Variants in SLC34A3 observed in about 807,000 individuals in gnomAD.
SLC34A3 encodes the protein sodium-dependent phosphate transport protein 2C.
SLC34A3 carries 60 observed loss-of-function variants against 43.9 expected under a neutral mutation model. That is an observed-to-expected ratio of 1.37 (90% CI 1.11 to 1.70). SLC34A3 has a LOEUF of 1.70. Among genes scored for constraint, SLC34A3 ranks in the 40% most tolerant of loss-of-function variants. The pLI is 0.00. For synonymous variants in SLC34A3, 451 were observed against 386.2 expected (o/e 1.17, Z -1.97); for missense variants, 969 against 823.8 (o/e 1.18, Z -2.16).
chr9:137,233,492 C>T (rs947655181), intron 7 of SLC34A3, 88 bp downstream of exon 7: 55 of 1,579,100 alleles, frequency 3.5e-5, no homozygotes, highest in African/African-American at 1.6e-4. Context: ...GGAGGGTCAG[C>T]GGAGGGTCTG....
chr9:137,234,684 C>T lies in SLC34A3; in HGVS notation c.1288C>T (p.Leu430=), dbSNP rs768557398. 3.7e-6 allele frequency: 6 copies of T among 1,612,100 alleles called. No individual in the cohort carries two copies. The highest frequency in any genetic ancestry group is 5.1e-6 in the Non-Finnish European group (6 of 1,179,858). Residue 430 remains leucine, a synonymous_variant, in exon 12 of 13, where the codon CTG becomes TTG. Transcript: ENST00000673835. This position sits in a 1 kb window ranked among gnomAD's most constrained non-coding sequence, Gnocchi z 6.9. ...SNIGTTTTAL[L]AALASPADRM... Reference sequence around the variant, plus strand: ...CATCGGCACCACTACCACAGCCCTGCTGGCTGCCCTGGCCAGCCCCGCAGA... The same window carrying T: ...CATCGGCACCACTACCACAGCCCTGTTGGCTGCCCTGGCCAGCCCCGCAGA...
At chr9:137,233,779 T>TTGGGGGCCCCCCCCCCCCCCCCCC in intron 8 of SLC34A3, 57 bp downstream of exon 8, 1 of 1,445,778 alleles carries the variant, frequency 6.9e-7, no homozygotes, top group Non-Finnish European at 9.6e-7. Flanking sequence ...TGCTGAGTCA[T>TTGGGGGCCCCCCCCCCCCCCCCCC]CCCGCCCCAC....
intron 4 of SLC34A3, 34 bp from the exon 5 acceptor site, chr9:137,232,750 C>T (rs2131406175): frequency 6.2e-7 from 1 of 1,612,950 alleles, no homozygotes; most frequent in East Asian, 2.2e-5. Flanking sequence ...AACCAGCCCT[C>T]CGCAGCTTCA....
In SLC34A3 at chr9:137,232,879, A is replaced by C. The variant is rs767972125; in HGVS notation, c.400A>C (p.Ser134Arg). 56 of 1,608,014 alleles carry C rather than the reference A, an allele frequency of 3.5e-5. No individual in the cohort carries two copies. Among genetic ancestry groups the C allele is most frequent in the Middle Eastern group, 1.7e-4 (1 of 6,050 alleles). Residue 134 changes from serine to arginine, a missense_variant, in exon 5 of 13, where the codon AGT (serine) becomes CGT (arginine). Transcript: ENST00000673835. ...CGTGCTGGTCACAGCCCTGGTGCAG[A>C]GTTCCAGCACGTCCTCCTCCATCGT... ...IGVLVTALVQ[S>R]SSTSSSIVVS... is the part of the protein sequence containing the mutation.
At chr9:137,235,388 C>A (rs1330471129) in intron 12 of SLC34A3, among the ~76,000 whole-genome samples, 1 of 152,168 alleles carries the variant, frequency 6.6e-6, no homozygotes, top group African/African-American at 2.4e-5. Context: ...AAGTGCGGCA[C>A]CCCCTGGAAC....
Position 137,233,690 on chromosome 9 carries a change from A to T in SLC34A3, c.814A>T (p.Ile272Phe). ...ATGNATNSSL[I>F]KHWCGTTGQP... ...AGGCAACGCCACTAACAGCAGTCTC[A>T]TTAAGCACTGGTGCGGCACCACGGG... The change falls in exon 8 of 13, where the codon ATT becomes TTT. Residue 272 changes from isoleucine (I) to phenylalanine (F), a missense_variant. Physicochemically the swap from Ile to Phe is conservative, Grantham distance 21. Coordinates refer to ENST00000673835, the MANE Select transcript of SLC34A3 (RefSeq NM_001177316.2). The T allele has an allele frequency of 6.2e-7, 1 of 1,610,200 alleles. No homozygotes were observed. Among genetic ancestry groups the T allele is most frequent in the Non-Finnish European group, 8.5e-7 (1 of 1,177,674 alleles).
At position 137,234,544 on chromosome 9, in the gene SLC34A3, G is replaced by A. The variant is rs547692335; in HGVS notation, c.1210+12G>A. 7.5e-6 allele frequency: 12 copies of A among 1,608,890 alleles called. No homozygotes were observed. In the East Asian group the frequency reaches 8.9e-5, roughly 12 times the overall value. On this transcript the variant is annotated intron_variant, in intron 11 of 12. Coordinates refer to ENST00000673835, the MANE Select transcript of SLC34A3 (RefSeq NM_001177316.2). The surrounding 1 kb of genome is among the most constrained non-coding windows in gnomAD (Gnocchi z 6.9). ...CGTGCCCCTCATGGGTGAGCAGGCA[G>A]GACAGAGGCCTCGGGAACGGGGGCT... is the stretch of plus-strand genomic sequence containing the variant.
At chr9:137,235,250 C>T (rs1174082282) in intron 12 of SLC34A3, among the ~76,000 whole-genome samples, 1 of 152,174 alleles carries the variant, frequency 6.6e-6, no homozygotes, top group Non-Finnish European at 1.5e-5. Flanking sequence ...GTGCCCCAAC[C>T]CCAGTCTCAT....
rs1328176472 is a variant in SLC34A3, at chr9:137,232,569, C to T, written c.176-6C>T. 4.3e-6 allele frequency: 7 copies of T among 1,611,532 alleles called. No homozygotes were observed. The African/African-American group carries it at 8.0e-5, about 18-fold the overall frequency. ...CAGCCAGGGACAGCCTGCCCTGTGT[C>T]CTCAGAGCTCCGCGTGGCCGGCAGG... is the stretch of plus-strand genomic sequence containing the variant. On this transcript the variant is annotated splice_polypyrimidine_tract_variant and splice_region_variant and intron_variant, in intron 3 of 12. Transcript: ENST00000673835.
rs1836602734 is a variant in SLC34A3 at position 137,236,413 on chromosome 9, GTGAC to G, written c.1798_*1del. On this transcript the variant is annotated stop_lost and 3_prime_UTR_variant, in exon 13 of 13. Transcript: ENST00000673835. Reference sequence around the variant, plus strand: ...CTGAGATCTTGGCCTCCCAGCAGTTGTGACGGGCAGTTGCTGAGCAGACCGCCCC... The same window carrying G: ...CTGAGATCTTGGCCTCCCAGCAGTTGGGGCAGTTGCTGAGCAGACCGCCCC... 2.0e-6 allele frequency: 3 copies of G among 1,536,602 alleles called. No individual in the cohort carries two copies. Among genetic ancestry groups the G allele is most frequent in the Non-Finnish European group, 2.6e-6 (3 of 1,146,636 alleles).
upstream of SLC34A3, among the ~76,000 whole-genome samples, chr9:137,230,312 T>C (rs1484470433): frequency 6.6e-6 from 1 of 152,114 alleles, no homozygotes; most frequent in Non-Finnish European, 1.5e-5. Flanking sequence ...TCGCTGGCTA[T>C]ACCAGGGCCG....
Position 137,236,318 on chromosome 9 carries a change from C to T in SLC34A3, c.1702C>T (p.Arg568Cys), listed in dbSNP as rs770213028. 242 of 1,542,580 alleles carry T rather than the reference C, an allele frequency of 1.6e-4. No individual in the cohort carries two copies. The highest frequency in any genetic ancestry group is 1.8e-4 in the Non-Finnish European group (204 of 1,146,722). ...SLEPWDRLVT[R>C]CCPCNVCSPP... ...GGAGCCCTGGGACCGCCTGGTGACC[C>T]GCTGCTGCCCCTGCAACGTCTGCAG... The change falls in exon 13 of 13, where the codon CGC becomes TGC. Residue 568 changes from arginine to cysteine, a missense_variant. Arg to Cys is a radical substitution (Grantham distance 180). Transcript: ENST00000673835.
rs763168538 is a variant in SLC34A3 at position 137,234,003 on chromosome 9, A to G, written c.925+62A>G. ...CACACTCCCCCTCACCGGCCCCTAC[A>G]TGGAGAGGAACAGCACAGCCCCGGC... On this transcript the variant is annotated intron_variant, in intron 9 of 12. Transcript: ENST00000673835. The surrounding 1 kb of genome is among the most constrained non-coding windows in gnomAD (Gnocchi z 6.9). 7.0e-6 allele frequency: 8 copies of G among 1,149,526 alleles called. No individual in the cohort carries two copies. Among genetic ancestry groups the G allele is most frequent in the East Asian group, 1.1e-4 (2 of 17,786 alleles). 71.2% of individuals were successfully genotyped at this position (1,149,526 alleles called of 1,614,324 possible). A position where few individuals can be genotyped will look rare whatever the true frequency, so the allele number is the denominator to read the frequency against.
chr9:137,233,783 G>GGGAAAC, intron 8 of SLC34A3, 61 bp downstream of exon 8: 1 of 693,574 alleles, frequency 1.4e-6, no homozygotes. Flanking sequence ...GAGTCATCCC[G>GGGAAAC]CCCCACCCAC....
chr9:137,232,601 C>G lies in SLC34A3; in HGVS notation c.202C>G (p.Arg68Gly), dbSNP rs774035480. 1.1e-5 allele frequency: 18 copies of G among 1,610,746 alleles called. No individual in the cohort carries two copies. Among genetic ancestry groups the G allele is most frequent in the Non-Finnish European group, 1.4e-5 (17 of 1,178,846 alleles). ...GCTCCGCGTGGCCGGCAGGCTGCGC[C>G]GCGTGGCCGGCAGCGTCCTCAAGGC... is the stretch of plus-strand genomic sequence containing the variant. Reference protein sequence around the residue: ...KELRVAGRLRRVAGSVLKACG... With the variant: ...KELRVAGRLRGVAGSVLKACG... Residue 68 changes from arginine to glycine, a missense_variant, in exon 4 of 13, where the codon CGC becomes GGC. Arg to Gly is a moderately radical substitution (Grantham distance 125). Transcript: ENST00000673835.
intron 3 of SLC34A3, among the ~76,000 whole-genome samples, 187 bp from the exon 4 acceptor site, chr9:137,232,388 G>A (rs543927361): frequency 1.6e-4 from 25 of 152,382 alleles, no homozygotes; most frequent in African/African-American, 6.0e-4. Context: ...CTGCGAGGGA[G>A]GGTCCCAAGG....
intron 8 of SLC34A3, 57 bp downstream of exon 8, chr9:137,233,779 T>TTGGGGGCGC: frequency 6.9e-7 from 1 of 1,445,824 alleles, no homozygotes; most frequent in Non-Finnish European, 9.6e-7. Flanking sequence ...TGCTGAGTCA[T>TTGGGGGCGC]CCCGCCCCAC....
chr9:137,232,964 C>T, intron 5 of SLC34A3, 37 bp downstream of exon 5: 1 of 1,603,594 alleles, frequency 6.2e-7, no homozygotes, highest in Non-Finnish European at 8.5e-7. Context: ...GTGGGGGGGG[C>T]AGGGTGGGCC....
intron 3 of SLC34A3, 107 bp downstream of exon 3, chr9:137,232,268 A>G: frequency 9.0e-7 from 1 of 1,117,184 alleles, no homozygotes; most frequent in Non-Finnish European, 1.3e-6. Context: ...TGTGTGGGGA[A>G]CTCCGCCATG....
Sources: allele counts gnomAD v4.1 joint callset (sites outside exome capture counted in the v4.1 genomes callset), GRCh38; gene constraint gnomAD v4.1.1; non-coding constraint Gnocchi (gnomAD v3.1); transcripts MANE v1.5; gene names NCBI Gene and HGNC (gene_info 2026-07-23, HGNC 2026-07-21).